The following CNTNAP2 variants were observed in gnomAD, a reference collection of about 807,000 sequenced individuals.
CNTNAP2 encodes contactin associated protein 2, also known as contactin-associated protein-like 2.
A neutral mutation model predicts 155.2 loss-of-function variants in CNTNAP2; 98 were observed. The observed-to-expected ratio is 0.63, with a 90% CI of 0.54 to 0.75. The LOEUF is 0.75. Ranked by LOEUF, CNTNAP2 falls within the 30% of genes least tolerant of loss-of-function variation. The pLI is 0.00. For missense variants in CNTNAP2, 1,727 were observed against 1,688.1 expected (o/e 1.02, Z -0.40); for synonymous variants, 651 against 631.2 (o/e 1.03, Z -0.47).
At chr7:146,698,219 A>C (rs1800816363) in intron 1 of CNTNAP2, among the ~76,000 whole-genome samples, 1 of 152,098 alleles carries the variant, frequency 6.6e-6, no homozygotes, top group Non-Finnish European at 1.5e-5. Context: ...AGAACCAAAA[A>C]AAATTATTTT....
intron 4 of CNTNAP2, chr7:147,097,283 T>C (rs925755518): frequency 6.6e-6 from 1 of 152,186 alleles, no homozygotes; most frequent in Non-Finnish European, 1.5e-5. Context: ...ATTTTACAAG[T>C]TTAAAGTAAT....
intron 8 of CNTNAP2, among the ~76,000 whole-genome samples, chr7:147,272,664 A>ATTTTTTTTTTTTTTTTTTTTTTTTT (rs71182188): frequency 7.2e-6 from 1 of 138,922 alleles, no homozygotes; most frequent in Non-Finnish European, 1.6e-5. Flanking sequence ...CGCCCGGCTA[A>ATTTTTTTTTTTTTTTTTTTTTTTTT]TTTTTTTTTT....
chr7:148,034,143 C>T (rs981072734), intron 15 of CNTNAP2, among the ~76,000 whole-genome samples: 5 of 152,218 alleles, frequency 3.3e-5, no homozygotes, highest in African/African-American at 4.8e-5. Flanking sequence ...AATGAGACAT[C>T]TATATCTATC....
intron 1 of CNTNAP2, among the ~76,000 whole-genome samples, chr7:146,600,938 G>GAAT (rs1798941235): frequency 1.3e-5 from 2 of 152,054 alleles, no homozygotes; most frequent in African/African-American, 4.8e-5. Flanking sequence ...TTCACATACA[G>GAAT]AATAATCTGA....
chr7:146,263,247 G>T (rs942246978), intron 1 of CNTNAP2, among the ~76,000 whole-genome samples: 30 of 149,922 alleles, frequency 2.0e-4, no homozygotes, highest in Admixed American at 1.9e-3. Context: ...TGAAGGAAAG[G>T]AGGGAGGGAG....
chr7:146,424,481 A>G (rs1261187243), intron 1 of CNTNAP2, among the ~76,000 whole-genome samples: 1 of 152,184 alleles, frequency 6.6e-6, no homozygotes, highest in East Asian at 1.9e-4. Flanking sequence ...ATCTTGCCCA[A>G]GATTAGAAGT....
At chr7:147,272,664 A>ATTTTT (rs71182188) in intron 8 of CNTNAP2, among the ~76,000 whole-genome samples, 20,493 of 138,070 alleles carry the variant, frequency 0.15, 1,939 homozygotes, top group Non-Finnish European at 0.21. Context: ...CGCCCGGCTA[A>ATTTTT]TTTTTTTTTT....
chr7:148,081,389 G>C lies in CNTNAP2; in HGVS notation c.2384-36729G>C, dbSNP rs1020673575. Among the ~76,000 whole-genome samples, 3 of 152,024 alleles carry C rather than the reference G, an allele frequency of 2.0e-5. No individual in the cohort carries two copies. The East Asian group carries it at 5.8e-4, about 29-fold the overall frequency. On this transcript the variant is annotated intron_variant, in intron 15 of 23. Transcript: ENST00000361727. ...TTGAGTCCGTGGGCTGCAAAAGGCCGACCCACCCTTAATCTGGGTGGGCAC... is the reference window on the plus strand; with the variant it reads ...TTGAGTCCGTGGGCTGCAAAAGGCCCACCCACCCTTAATCTGGGTGGGCAC...
At chr7:147,092,120 T>C (rs1306720668) in intron 4 of CNTNAP2, among the ~76,000 whole-genome samples, 17 of 152,166 alleles carry the variant, frequency 1.1e-4, no homozygotes, top group Admixed American at 9.2e-4. Flanking sequence ...CCTTGGGAAA[T>C]GCATAAATTG....
chr7:146,124,424 T>A (rs912458443), intron 1 of CNTNAP2, among the ~76,000 whole-genome samples: 4 of 152,196 alleles, frequency 2.6e-5, no homozygotes, highest in African/African-American at 9.6e-5. Context: ...TCTATATATA[T>A]ATGTCTTTTT....
At chr7:147,122,499 G>A (rs1801140598) in intron 6 of CNTNAP2, 1 of 152,164 alleles carries the variant, frequency 6.6e-6, no homozygotes, top group Non-Finnish European at 1.5e-5. Flanking sequence ...ATTACTAATG[G>A]GATGAGTGCT....
chr7:147,604,873 A>T (rs1584849003), intron 12 of CNTNAP2, among the ~76,000 whole-genome samples: 5 of 152,200 alleles, frequency 3.3e-5, no homozygotes, highest in Admixed American at 3.3e-4. Context: ...TGGAATTCAG[A>T]TCTGCTCACT....
Position 147,675,260 on chromosome 7 carries a change from CA to C in CNTNAP2, c.2098+35955del, listed in dbSNP as rs967404835. ...TCTTTTCTCTTATAAGAACACCAGTCACTTGACTTAGGGCCCACCCAAATCC... is the reference window on the plus strand; with the variant it reads ...TCTTTTCTCTTATAAGAACACCAGTCCTTGACTTAGGGCCCACCCAAATCC... On this transcript the variant is annotated intron_variant, in intron 13 of 23. Transcript: ENST00000361727. Among the ~76,000 whole-genome samples the C allele has an allele frequency of 3.3e-5, 5 of 152,194 alleles. No individual in the cohort carries two copies. In the South Asian group the frequency reaches 1.0e-3, roughly 32 times the overall value.
chr7:146,344,849 G>T (rs905566727), intron 1 of CNTNAP2, among the ~76,000 whole-genome samples: 1 of 152,054 alleles, frequency 6.6e-6, no homozygotes. Flanking sequence ...CATACCTTAA[G>T]AACATTTAGA....
At chr7:146,818,656 G>A (rs1377564517) in intron 2 of CNTNAP2, among the ~76,000 whole-genome samples, 1 of 152,060 alleles carries the variant, frequency 6.6e-6, no homozygotes, top group African/African-American at 2.4e-5. Context: ...TTTTTAGCAT[G>A]TGTAAAATAG....
At chr7:147,975,336 A>AG (rs1360733324) in intron 14 of CNTNAP2, among the ~76,000 whole-genome samples, 3 of 151,966 alleles carry the variant, frequency 2.0e-5, no homozygotes, top group African/African-American at 4.8e-5. Flanking sequence ...GGGTGCTTCT[A>AG]GGGTGCTGGA....
chr7:147,320,341 A>G (rs1438021369), intron 9 of CNTNAP2, among the ~76,000 whole-genome samples: 6 of 152,202 alleles, frequency 3.9e-5, no homozygotes, highest in Admixed American at 3.9e-4. Context: ...CCAGACATTC[A>G]TGAATCCAGT....
intron 1 of CNTNAP2, among the ~76,000 whole-genome samples, chr7:146,237,529 C>CTT (rs1214846153): frequency 6.6e-6 from 1 of 152,182 alleles, no homozygotes; most frequent in Non-Finnish European, 1.5e-5. Flanking sequence ...AGACCATTCA[C>CTT]ATAAAAGAGA....
intron 1 of CNTNAP2, among the ~76,000 whole-genome samples, chr7:146,517,482 G>A (rs1423743642): frequency 6.6e-6 from 1 of 151,942 alleles, no homozygotes; most frequent in Non-Finnish European, 1.5e-5. Flanking sequence ...GTGGAGGTAA[G>A]TTTAGCATCA....
Sources: allele counts gnomAD v4.1 joint callset (sites outside exome capture counted in the v4.1 genomes callset), GRCh38; gene constraint gnomAD v4.1.1; transcripts MANE v1.5; gene names NCBI Gene and HGNC (gene_info 2026-07-23, HGNC 2026-07-21).